Variants in MICAL3 observed in about 807,000 individuals in gnomAD.
MICAL3 encodes the protein [F-actin]-monooxygenase MICAL3.
Under a neutral mutation model 207.4 loss-of-function variants are expected in MICAL3, and 62 were observed. The ratio of observed to expected loss-of-function variants is 0.30; its 90% confidence interval spans 0.24 to 0.37. The LOEUF is 0.37. Ranked by LOEUF, MICAL3 falls within the 10% of genes least tolerant of loss-of-function variation. The pLI, the probability that MICAL3 is intolerant of heterozygous loss-of-function variation, is 1.00. For synonymous variants in MICAL3, 1,077 were observed against 1,069.3 expected, an observed-to-expected ratio of 1.01 and a Z score of -0.14; for missense variants, 2,368 against 2,635.6, an observed-to-expected ratio of 0.90 and a Z score of 2.22.
At chr22:17,903,265 T>A (rs1931463685) in intron 3 of MICAL3, among the ~76,000 whole-genome samples, 1 of 152,036 alleles carries the variant, frequency 6.6e-6, no homozygotes, top group Non-Finnish European at 1.5e-5. Context: ...CTCCTACCAT[T>A]CCCCCTCCCA....
At chr22:18,001,871 C>A (rs1355208509) in intron 1 of MICAL3, among the ~76,000 whole-genome samples, 1 of 152,134 alleles carries the variant, frequency 6.6e-6, no homozygotes, top group Non-Finnish European at 1.5e-5. Context: ...CATATCAAAG[C>A]CTGCCCCCGG....
chr22:17,998,219 G>A (rs1465093164), intron 1 of MICAL3, among the ~76,000 whole-genome samples: 4 of 138,754 alleles, frequency 2.9e-5, no homozygotes, highest in East Asian at 2.0e-4. Flanking sequence ...CAGAAGAATC[G>A]CTCGAACCCA....
At chr22:17,880,726 G>A (rs1929337206) in intron 16 of MICAL3, among the ~76,000 whole-genome samples, 1 of 152,246 alleles carries the variant, frequency 6.6e-6, no homozygotes, top group African/African-American at 2.4e-5. Context: ...TGCAAGTGCA[G>A]TGGGGAGGAG....
At chr22:17,869,942 G>A (rs1449534890) in intron 17 of MICAL3, among the ~76,000 whole-genome samples, 1 of 152,178 alleles carries the variant, frequency 6.6e-6, no homozygotes, top group Non-Finnish European at 1.5e-5. Flanking sequence ...CTTATTCTTT[G>A]TTCTCTGAGC....
At chr22:17,975,505 GC>G (rs1488560665) in intron 1 of MICAL3, among the ~76,000 whole-genome samples, 1 of 151,780 alleles carries the variant, frequency 6.6e-6, no homozygotes, top group African/African-American at 2.4e-5. Flanking sequence ...CCGCTCCCAT[GC>G]CCCACACCCA....
At position 17,819,061 on chromosome 22, in the gene MICAL3, C is replaced by T; in HGVS notation, c.3600G>A (p.Glu1200=). The T allele has an allele frequency of 6.4e-7, 1 of 1,570,780 alleles. No individual in the cohort carries two copies. The highest frequency in any genetic ancestry group is 1.2e-5 in the South Asian group (1 of 84,376). The change falls in exon 26 of 32, where the codon GAG becomes GAA. Residue 1200 remains glutamate, a synonymous_variant. Transcript: ENST00000441493. ...EKSPEERLFP[E]PLLPKEKPKA... ...TGGGCTTCTCTTTGGGGAGCAAAGG[C>T]TCAGGGAAAAGGCGCTCCTCAGGTG... is the stretch of plus-strand genomic sequence containing the variant.
At chr22:18,008,998 T>C (rs745903783) in intron 1 of MICAL3, among the ~76,000 whole-genome samples, 8 of 152,258 alleles carry the variant, frequency 5.3e-5, no homozygotes, top group Non-Finnish European at 8.8e-5. Flanking sequence ...CACAATATAA[T>C]GGTTCAAAAT....
chr22:17,902,789 A>T lies in MICAL3; in HGVS notation c.473-42T>A, dbSNP rs560667891. 7.9e-7 allele frequency: 1 copy of T among 1,261,396 alleles called. No homozygotes were observed. Among genetic ancestry groups the T allele is most frequent in the African/African-American group, 1.5e-5 (1 of 67,724 alleles). 78.1% of individuals were successfully genotyped at this position (1,261,396 alleles called of 1,614,324 possible). A position where few individuals can be genotyped will look rare whatever the true frequency, so the allele number is the denominator to read the frequency against. On this transcript the variant is annotated intron_variant, in intron 3 of 31. Coordinates refer to ENST00000441493, the MANE Select transcript of MICAL3 (RefSeq NM_015241.3). The surrounding 1 kb of genome is among the most constrained non-coding windows in gnomAD (Gnocchi z 4.5). ...ATGACGTTGATGGGAACACATGGAG[A>T]AGGGGGTACCCATCCGTGTCGCAGC...
At position 17,822,288 on chromosome 22, in the gene MICAL3, G is replaced by A. The variant is rs1016388440; in HGVS notation, c.3308-118C>T. 79 of 1,303,710 alleles carry A rather than the reference G, an allele frequency of 6.1e-5. No individual in the cohort carries two copies. The African/African-American group carries it at 1.0e-3, about 16-fold the overall frequency. 80.8% of individuals were successfully genotyped at this position (1,303,710 alleles called of 1,614,324 possible). A position where few individuals can be genotyped will look rare whatever the true frequency, so the allele number is the denominator to read the frequency against. ...AACACAGCTGCTCAGGTGCAGGCCT[G>A]GAGGCCCTTCTTACGCAGGGACAGA... On this transcript the variant is annotated intron_variant, in intron 23 of 31. Transcript: ENST00000441493.
intron 1 of MICAL3, among the ~76,000 whole-genome samples, chr22:17,982,934 A>T (rs1164025183): frequency 1.3e-5 from 2 of 152,148 alleles, no homozygotes; most frequent in East Asian, 3.8e-4. Flanking sequence ...TATTCCTTAA[A>T]GCTTGTGAGC....
At chr22:17,921,639 C>T (rs1013350727) in intron 1 of MICAL3, among the ~76,000 whole-genome samples, 6 of 152,130 alleles carry the variant, frequency 3.9e-5, no homozygotes, top group African/African-American at 1.4e-4. Context: ...CAGGCATGTG[C>T]GACCACACCT....
chr22:17,997,703 T>TCACTATCACTC (rs1287161085), intron 1 of MICAL3, among the ~76,000 whole-genome samples: 1 of 152,148 alleles, frequency 6.6e-6, no homozygotes, highest in Non-Finnish European at 1.5e-5. Context: ...GCTTTGTCAC[T>TCACTATCACTC]CACTATCACT....
intron 19 of MICAL3, chr22:17,863,745 T>C: frequency 2.0e-6 from 2 of 985,318 alleles, no homozygotes; most frequent in Non-Finnish European, 2.4e-6. Context: ...CCACAAGGCC[T>C]ACATGAACCA....
intron 19 of MICAL3, 54 bp from the exon 20 acceptor site, chr22:17,842,071 G>C: frequency 2.0e-6 from 3 of 1,530,218 alleles, no homozygotes; most frequent in South Asian, 1.2e-5. Context: ...GACGGGGCGT[G>C]GGGGTGGGGG....
Position 17,817,817 on chromosome 22 carries a change from C to A in MICAL3, c.4844G>T (p.Arg1615Met). 6.2e-7 allele frequency: 1 copy of A among 1,610,292 alleles called. No individual in the cohort carries two copies. ...CATCTGCTGCATCCTGCTCAGCTGC[C>A]TGGCCATGGCGTCCCGCAGCGCCTG... is the stretch of plus-strand genomic sequence containing the variant. ...KSQALRDAMA[R>M]QLSRMQQMEL... The change falls in exon 26 of 32, where the codon AGG (arginine) becomes ATG (methionine). Residue 1615 changes from arginine to methionine, a missense_variant. By Grantham distance (91) the Arg-to-Met change is moderately conservative. This residue lies in a region of MICAL3 where 1,770 missense variants were observed against 1,863.2 expected (regional missense o/e 0.95). Transcript: ENST00000441493.
chr22:17,901,809 C>T (rs779772277), intron 5 of MICAL3, 69 bp downstream of exon 5: 243 of 1,246,296 alleles, frequency 1.9e-4, no homozygotes, highest in Non-Finnish European at 2.6e-4. Context: ...CGCACAGTCT[C>T]GCCCCAGAGG....
chr22:17,914,646 G>A (rs1163672240), intron 1 of MICAL3, among the ~76,000 whole-genome samples: 3 of 152,124 alleles, frequency 2.0e-5, no homozygotes, highest in Non-Finnish European at 2.9e-5. Flanking sequence ...AGTAAATTTA[G>A]CAAGGACACA....
intron 1 of MICAL3, among the ~76,000 whole-genome samples, chr22:17,989,158 T>C (rs771833072): frequency 5.9e-5 from 9 of 152,128 alleles, no homozygotes; most frequent in Admixed American, 1.3e-4. Context: ...TGACATCCAT[T>C]TGACCAGGAG....
chr22:17,912,872 G>C (rs915848541), intron 1 of MICAL3, among the ~76,000 whole-genome samples: 79 of 152,162 alleles, frequency 5.2e-4, no homozygotes, highest in Admixed American at 4.6e-4. Context: ...TTGGATAGAA[G>C]AGGCAAAAGT....
Sources: allele counts gnomAD v4.1 joint callset (sites outside exome capture counted in the v4.1 genomes callset), GRCh38; gene constraint gnomAD v4.1.1; regional missense constraint gnomAD v4.1.1; non-coding constraint Gnocchi (gnomAD v3.1); transcripts MANE v1.5; gene names NCBI Gene and HGNC (gene_info 2026-07-23, HGNC 2026-07-21).